The following REG4 variants were observed in gnomAD, a reference collection of about 807,000 sequenced individuals.
REG4 encodes the protein regenerating islet-derived protein 4.
A neutral mutation model predicts 22.3 loss-of-function variants in REG4; 16 were observed. That is an observed-to-expected ratio of 0.72 (90% CI 0.49 to 1.09). The LOEUF (loss-of-function observed/expected upper bound fraction) is 1.09. Among genes scored for constraint, REG4 ranks in the 50% least tolerant of loss-of-function variants. The pLI is 0.00. For missense variants in REG4, 214 were observed against 193.9 expected, an observed-to-expected ratio of 1.10 and a Z score of -0.61; for synonymous variants, 71 against 69.2, an observed-to-expected ratio of 1.03 and a Z score of -0.13.
intron 2 of REG4, among the ~76,000 whole-genome samples, chr1:119,804,437 G>C (rs1374567188): frequency 1.3e-5 from 2 of 152,144 alleles, no homozygotes; most frequent in African/African-American, 4.8e-5. Flanking sequence ...GAACACGAAT[G>C]CTCAGTGTAG....
In REG4 at chr1:119,808,714, C is replaced by A. The variant is rs1400383442; in HGVS notation, c.56G>T (p.Gly19Val). 6.2e-7 allele frequency: 1 copy of A among 1,613,752 alleles called. No homozygotes were observed. Among genetic ancestry groups the A allele is most frequent in the African/African-American group, 1.3e-5 (1 of 75,022 alleles). The change falls in exon 2 of 6, where the codon GGA becomes GTA. Residue 19 changes from glycine (G) to valine (V), a missense_variant. Physicochemically the swap from Gly to Val is moderately radical, Grantham distance 109. Transcript: ENST00000256585. ...TGATGGATACTCACCACCCAGGACT[C>A]CTGTTTTGGCCAGGCAGCTCAGCAA... Reference protein sequence around the residue: ...LLLLSCLAKTGVLGDIIMRPS... With the variant: ...LLLLSCLAKTVVLGDIIMRPS...
At chr1:119,801,309 C>G (rs1654090370) in intron 3 of REG4, 1 of 152,154 alleles carries the variant, frequency 6.6e-6, no homozygotes, top group South Asian at 2.1e-4. Flanking sequence ...ACTAATTTAT[C>G]CAAGATTAGA....
intron 5 of REG4, among the ~76,000 whole-genome samples, chr1:119,797,781 G>A (rs1000161888): frequency 1.3e-5 from 2 of 152,138 alleles, no homozygotes; most frequent in African/African-American, 4.8e-5. Flanking sequence ...TGATTGTCAC[G>A]ACCTGGGAGG....
At chr1:119,810,572 T>G (rs937260087) in intron 1 of REG4, among the ~76,000 whole-genome samples, 1 of 152,202 alleles carries the variant, frequency 6.6e-6, no homozygotes, top group African/African-American at 2.4e-5. Flanking sequence ...CCTTGCACTT[T>G]GCTAAACTTT....
intron 4 of REG4, among the ~76,000 whole-genome samples, chr1:119,799,007 T>C (rs1654016626): frequency 6.6e-6 from 1 of 152,168 alleles, no homozygotes; most frequent in Non-Finnish European, 1.5e-5. Context: ...CATAAGATGT[T>C]TATAGACAAG....
chr1:119,795,606 C>T (rs997995730), intron 5 of REG4, among the ~76,000 whole-genome samples: 3 of 152,210 alleles, frequency 2.0e-5, no homozygotes, highest in East Asian at 3.8e-4. Flanking sequence ...GGCTAGGTGT[C>T]TGCTTGGGCC....
intron 3 of REG4, 85 bp from the exon 4 acceptor site, chr1:119,799,947 A>C: frequency 6.5e-7 from 1 of 1,534,360 alleles, no homozygotes; most frequent in Non-Finnish European, 8.9e-7. Context: ...GCCAAGAAGG[A>C]GGGACTCACG....
chr1:119,807,842 C>T (rs1654370784), intron 2 of REG4, among the ~76,000 whole-genome samples: 2 of 152,176 alleles, frequency 1.3e-5, no homozygotes, highest in Non-Finnish European at 2.9e-5. Flanking sequence ...ACCGTCCTAC[C>T]CTTGGCCAAG....
chr1:119,802,181 G>T, intron 3 of REG4: 1 of 239,112 alleles, frequency 4.2e-6, no homozygotes, highest in Non-Finnish European at 6.8e-6. Flanking sequence ...TCAGGACTCA[G>T]CTCAGACTTT....
At chr1:119,804,833 T>C (rs587640411) in intron 2 of REG4, among the ~76,000 whole-genome samples, 2 of 152,280 alleles carry the variant, frequency 1.3e-5, no homozygotes, top group African/African-American at 4.8e-5. Flanking sequence ...CTCATTCTTT[T>C]TTCTCCCCCT....
At chr1:119,797,838 A>G (rs1653977620) in intron 5 of REG4, among the ~76,000 whole-genome samples, 4 of 152,350 alleles carry the variant, frequency 2.6e-5, no homozygotes, top group South Asian at 2.1e-4. Context: ...GATGCCGCTC[A>G]ACCTCCTGCA....
chr1:119,794,916 A>G (rs919906055), intron 5 of REG4, among the ~76,000 whole-genome samples: 3 of 152,206 alleles, frequency 2.0e-5, no homozygotes, highest in Admixed American at 6.5e-5. Context: ...GCCCTCCATC[A>G]TGTGTGTGGG....
chr1:119,800,057 AAG>A (rs1183756767), intron 3 of REG4, among the ~76,000 whole-genome samples, 195 bp from the exon 4 acceptor site: 1 of 152,166 alleles, frequency 6.6e-6, no homozygotes, highest in African/African-American at 2.4e-5. Flanking sequence ...GTCTCAGAGA[AAG>A]AGGCAGTACA....
chr1:119,794,780 A>T (rs947271), intron 5 of REG4, 95 bp from the exon 6 acceptor site: 2 of 1,017,760 alleles, frequency 2.0e-6, no homozygotes, highest in Non-Finnish European at 1.6e-6. Context: ...TAGATAAGGC[A>T]ATATGATGGT....
At chr1:119,809,785 C>T (rs1654438880) in intron 1 of REG4, among the ~76,000 whole-genome samples, 1 of 152,054 alleles carries the variant, frequency 6.6e-6, no homozygotes, top group African/African-American at 2.4e-5. Flanking sequence ...GTGATATTTA[C>T]CTCATTAATA....
chr1:119,803,911 A>G (rs1654206573), intron 2 of REG4, among the ~76,000 whole-genome samples: 1 of 152,226 alleles, frequency 6.6e-6, no homozygotes, highest in East Asian at 1.9e-4. Context: ...TGCCTTAAGT[A>G]CAGGGTGTCT....
At chr1:119,800,942 C>G (rs1178538161) in intron 3 of REG4, among the ~76,000 whole-genome samples, 1 of 152,206 alleles carries the variant, frequency 6.6e-6, no homozygotes, top group Non-Finnish European at 1.5e-5. Context: ...AATCCCAAAT[C>G]TGTTTTACTT....
chr1:119,795,063 T>G (rs1653895823), intron 5 of REG4, among the ~76,000 whole-genome samples: 1 of 152,206 alleles, frequency 6.6e-6, no homozygotes. Flanking sequence ...TGGCCTGTCC[T>G]GCGGTTTTGA....
Position 119,799,721 on chromosome 1 carries a change from T to C in REG4, c.303+4A>G, listed in dbSNP as rs758108074. 6.2e-7 allele frequency: 1 copy of C among 1,612,818 alleles called. No individual in the cohort carries two copies. The highest frequency in any genetic ancestry group is 1.3e-5 in the African/African-American group (1 of 74,920). On this transcript the variant is annotated splice_donor_region_variant and intron_variant, in intron 4 of 5. Coordinates refer to ENST00000256585, the MANE Select transcript of REG4 (RefSeq NM_032044.4). The stretch of plus-strand genomic sequence containing the variant: ...AGGGCCTTTGTGGCCAAGTCTGAGG[T>C]TACCTTCTGTGGGTCGTGCAGGCCA...
Sources: allele counts gnomAD v4.1 joint callset (sites outside exome capture counted in the v4.1 genomes callset), GRCh38; gene constraint gnomAD v4.1.1; transcripts MANE v1.5; gene names NCBI Gene and HGNC (gene_info 2026-07-23, HGNC 2026-07-21).